Variants in ALKBH8 observed in about 807,000 individuals in gnomAD.
The protein encoded by ALKBH8 is alkB homolog 8, tRNA methyltransferase, also known as tRNA (carboxymethyluridine(34)-5-O)-methyltransferase ALKBH8.
In ALKBH8, 36 loss-of-function variants were observed where a neutral mutation model predicts 59.8. The ratio of observed to expected loss-of-function variants is 0.60; its 90% CI spans 0.46 to 0.79. The LOEUF is 0.79. ALKBH8 is among the 30% of genes least tolerant of loss of function. The probability of loss-of-function intolerance (pLI) is 0.00; values close to 1 mark genes in which losing one functional copy is unlikely to be tolerated. For missense variants in ALKBH8, 768 were observed against 801.0 expected, an observed-to-expected ratio of 0.96 and a Z score of 0.50; for synonymous variants, 276 against 273.6, an observed-to-expected ratio of 1.01 and a Z score of -0.09.
intron 7 of ALKBH8, among the ~76,000 whole-genome samples, chr11:107,533,218 C>T (rs923905117): frequency 6.6e-6 from 1 of 152,074 alleles, no homozygotes; most frequent in Admixed American, 6.6e-5. Flanking sequence ...ACTTAAAAGG[C>T]TTACTATAGG....
chr11:107,512,309 T>TTTTTG (rs1555039448), intron 10 of ALKBH8, among the ~76,000 whole-genome samples: 4 of 138,776 alleles, frequency 2.9e-5, no homozygotes, highest in Admixed American at 7.3e-5. Flanking sequence ...AAGGGTTTTT[T>TTTTTG]TTTGTTTGTT....
intron 8 of ALKBH8, among the ~76,000 whole-genome samples, chr11:107,527,827 AC>A (rs1238392929): frequency 3.9e-5 from 6 of 152,018 alleles, no homozygotes; most frequent in Non-Finnish European, 7.4e-5. Flanking sequence ...GACTTCTCAT[AC>A]TGGCTAAGAT....
Position 107,534,559 on chromosome 11 carries a change from C to T in ALKBH8, c.772-2153G>A, listed in dbSNP as rs149572326. 5.6e-4 allele frequency among the ~76,000 whole-genome samples: 85 copies of T among 152,180 alleles called. No individual in the cohort carries two copies. The East Asian group carries it at 0.015, about 27-fold the overall frequency. On this transcript the variant is annotated intron_variant, in intron 7 of 11. Coordinates refer to ENST00000428149, the MANE Select transcript of ALKBH8 (RefSeq NM_138775.3). ...ATTCAAACTTATTCCCTCCCATCAA[C>T]GGACAGTAGTGATTTTCAAATAGGA...
chr11:107,560,003 G>A (rs1250492619), intron 2 of ALKBH8, among the ~76,000 whole-genome samples: 1 of 152,086 alleles, frequency 6.6e-6, no homozygotes, highest in Non-Finnish European at 1.5e-5. Flanking sequence ...TTATATTCAT[G>A]GAGTAATTTA....
At position 107,535,430 on chromosome 11, in the gene ALKBH8, T is replaced by A. The variant is rs185883201; in HGVS notation, c.772-3024A>T. On this transcript the variant is annotated intron_variant, in intron 7 of 11. Coordinates refer to ENST00000428149, the MANE Select transcript of ALKBH8 (RefSeq NM_138775.3). ...CTGCTAACATCTTTTATTTTTTAAATTTTTTTATTATGGTCATTCTCCCAG... is the reference window on the plus strand; with the variant it reads ...CTGCTAACATCTTTTATTTTTTAAAATTTTTTATTATGGTCATTCTCCCAG... Among the ~76,000 whole-genome samples the A allele has an allele frequency of 1.7e-3, 257 of 152,294 alleles. 1 individual carries two copies. The highest frequency in any genetic ancestry group is 5.9e-3 in the African/African-American group (245 of 41,562).
intron 6 of ALKBH8, among the ~76,000 whole-genome samples, 198 bp downstream of exon 6, chr11:107,551,610 C>T (rs1864494705): frequency 6.6e-6 from 1 of 150,836 alleles, no homozygotes; most frequent in African/African-American, 2.4e-5. Context: ...AGGAGAATCA[C>T]TTGAACCCAG....
At chr11:107,537,597 A>G (rs1863872510) in intron 7 of ALKBH8, among the ~76,000 whole-genome samples, 1 of 152,148 alleles carries the variant, frequency 6.6e-6, no homozygotes, top group African/African-American at 2.4e-5. Flanking sequence ...AAGAATAGCT[A>G]ATAGATGCTG....
At chr11:107,539,208 T>C (rs1042885628) in intron 7 of ALKBH8, among the ~76,000 whole-genome samples, 1 of 152,186 alleles carries the variant, frequency 6.6e-6, no homozygotes, top group Non-Finnish European at 1.5e-5. Flanking sequence ...TGACAGTAAT[T>C]TTGCCCTGGA....
intron 11 of ALKBH8, among the ~76,000 whole-genome samples, chr11:107,507,050 T>G (rs1862416902): frequency 6.6e-6 from 1 of 152,110 alleles, no homozygotes; most frequent in Non-Finnish European, 1.5e-5. Context: ...ATACATGTTG[T>G]CATGTCTAGG....
intron 7 of ALKBH8, among the ~76,000 whole-genome samples, chr11:107,537,302 T>A (rs1258300677): frequency 1.3e-5 from 2 of 152,198 alleles, no homozygotes; most frequent in African/African-American, 4.8e-5. Flanking sequence ...ATGGAATCAA[T>A]GTAAATGCCC....
chr11:107,515,504 C>A (rs770104713), intron 10 of ALKBH8, among the ~76,000 whole-genome samples: 3 of 152,038 alleles, frequency 2.0e-5, no homozygotes, highest in African/African-American at 7.2e-5. Context: ...TACAGGTGCA[C>A]GCCATCATGC....
At chr11:107,549,359 A>G (rs1048322053) in intron 7 of ALKBH8, among the ~76,000 whole-genome samples, 1 of 152,192 alleles carries the variant, frequency 6.6e-6, no homozygotes, top group Non-Finnish European at 1.5e-5. Flanking sequence ...TAACATACGG[A>G]AAAAGTTCAT....
intron 10 of ALKBH8, among the ~76,000 whole-genome samples, chr11:107,512,780 C>CTGAACTACCATA (rs1862691437): frequency 1.3e-5 from 2 of 152,278 alleles, no homozygotes; most frequent in Non-Finnish European, 2.9e-5. Flanking sequence ...GATCCTAGGG[C>CTGAACTACCATA]TGATCCTCAG....
chr11:107,549,093 T>C (rs2463657), intron 7 of ALKBH8, among the ~76,000 whole-genome samples: 114,509 of 151,712 alleles, frequency 0.75, 44,329 homozygotes, highest in South Asian at 0.86. Context: ...CCTCGTGATC[T>C]GCCCGCCTCA....
chr11:107,560,355 A>G (rs1864888169), intron 2 of ALKBH8, among the ~76,000 whole-genome samples: 1 of 152,208 alleles, frequency 6.6e-6, no homozygotes, highest in Non-Finnish European at 1.5e-5. Flanking sequence ...GTAGTAGGAT[A>G]TGGAAGATCT....
intron 2 of ALKBH8, among the ~76,000 whole-genome samples, chr11:107,557,540 G>C (rs570292447): frequency 6.6e-6 from 1 of 152,024 alleles, no homozygotes; most frequent in Admixed American, 6.6e-5. Context: ...TCCAGGATCC[G>C]CACTTTTAAT....
In ALKBH8 at chr11:107,556,802, G is replaced by T; in HGVS notation, c.331C>A (p.Gln111Lys). The T allele has an allele frequency of 6.9e-7, 1 of 1,451,782 alleles. No homozygotes were observed. The allele number at this position is 1,451,782 out of a possible 1,614,324, so 89.9% of individuals were successfully genotyped here. ...NGKEVVDDLG[Q>K]KITLYLNFVE... is the part of the protein sequence containing the mutation. ...AAATTCAAATACAGAGTGATCTTTT[G>T]TCCTAAATCATCCACTACTTCTTTT... The change falls in exon 3 of 12, where the codon CAA becomes AAA. Residue 111 changes from glutamine (Q) to lysine (K), a missense_variant. Coordinates refer to ENST00000428149, the MANE Select transcript of ALKBH8 (RefSeq NM_138775.3).
At chr11:107,544,815 CCACACACACACACACA>C (rs5794557) in intron 7 of ALKBH8, among the ~76,000 whole-genome samples, 1,512 of 138,556 alleles carry the variant, frequency 0.011, 11 homozygotes, top group Non-Finnish European at 0.014. Flanking sequence ...TAGATACAAA[CCACACACACACACACA>C]CACACACACA....
Position 107,559,505 on chromosome 11 carries a change from AT to A in ALKBH8, c.129+1259del, listed in dbSNP as rs112565632. Reference sequence around the variant, plus strand: ...CAGAGGGGTCAAAGAAATGGAGCCTATTTTTTTTTTCTTGCTACTTCTCTTC... The same window carrying A: ...CAGAGGGGTCAAAGAAATGGAGCCTATTTTTTTTTCTTGCTACTTCTCTTC... On this transcript the variant is annotated intron_variant, in intron 2 of 11. Transcript: ENST00000428149. Among the ~76,000 whole-genome samples, 101 of 149,996 alleles carry A rather than the reference AT, an allele frequency of 6.7e-4. No individual in the cohort carries two copies. The East Asian group carries it at 0.014, about 21-fold the overall frequency.
Sources: gnomAD v4.1 joint callset for allele counts (sites outside exome capture counted in the v4.1 genomes callset) on GRCh38, gnomAD v4.1.1 for gene constraint, MANE v1.5 for transcripts, NCBI Gene and HGNC (gene_info 2026-07-23, HGNC 2026-07-21) for gene names.